Variants in SH2D1A observed in about 807,000 individuals in gnomAD.
SH2D1A encodes the protein SH2 domain-containing protein 1A.
A neutral mutation model predicts 10.1 loss-of-function variants in SH2D1A; 6 were observed. That is an observed-to-expected ratio of 0.60 (90% confidence interval 0.33 to 1.18). The LOEUF is 1.18. SH2D1A is among the 50% of genes most tolerant of loss of function. The probability of loss-of-function intolerance (pLI) is 0.04; values close to 1 mark genes in which losing one functional copy is unlikely to be tolerated. For synonymous variants in SH2D1A, 42 were observed against 36.9 expected (o/e 1.14, Z -0.51); for missense variants, 51 against 97.6 (o/e 0.52, Z 2.01).
intron 1 of SH2D1A, among the ~76,000 whole-genome samples, chrX:124,364,923 A>G: frequency 9.0e-6 from 1 of 110,700 alleles, no homozygotes; most frequent in Non-Finnish European, 1.9e-5. Flanking sequence ...AGTACTCTCA[A>G]CAGGTATAGC....
chrX:124,354,577 C>T (rs2060022188), intron 1 of SH2D1A, among the ~76,000 whole-genome samples: 1 of 111,639 alleles, frequency 9.0e-6, no homozygotes, highest in Non-Finnish European at 1.9e-5. Context: ...AGCTATTTTC[C>T]CTTGGGCAGG....
At chrX:124,356,195 T>C (rs1287443159) in intron 1 of SH2D1A, among the ~76,000 whole-genome samples, 1 of 109,909 alleles carries the variant, frequency 9.1e-6, no homozygotes, top group Non-Finnish European at 1.9e-5. Flanking sequence ...AGAATGATCG[T>C]TTCCAGCTTC....
intron 1 of SH2D1A, among the ~76,000 whole-genome samples, chrX:124,354,733 T>C (rs764105428): frequency 8.9e-6 from 1 of 112,288 alleles, no homozygotes; most frequent in Non-Finnish European, 1.9e-5. Context: ...TTTTTTAATA[T>C]GAATAAAAGC....
Position 124,372,641 on chromosome X carries a change from G to A in SH2D1A, c.*1250G>A, listed in dbSNP as rs1387302410. ...TTTAGAGGCAGATAGATAGGTCAGT[G>A]CAAATACTCTGGTCCATGGGCCATA... On this transcript the variant is annotated 3_prime_UTR_variant, in exon 4 of 4. Transcript: ENST00000371139. 5.9e-6 allele frequency: 1 copy of A among 168,893 alleles called. No individual in the cohort carries two copies. The highest frequency in any genetic ancestry group is 8.5e-5 in the East Asian group (1 of 11,785). The allele number at this position is 168,893 out of a possible 1,213,427, so 13.9% of individuals were successfully genotyped here.
intron 2 of SH2D1A, among the ~76,000 whole-genome samples, chrX:124,367,080 T>A (rs2060057486): frequency 9.0e-6 from 1 of 111,436 alleles, no homozygotes; most frequent in African/African-American, 3.3e-5. Flanking sequence ...TCATATGAGA[T>A]TGTTACATGC....
chrX:124,358,659 G>C (rs910962739), intron 1 of SH2D1A, among the ~76,000 whole-genome samples: 4 of 112,291 alleles, frequency 3.6e-5, no homozygotes, highest in African/African-American at 1.3e-4. Flanking sequence ...GAATGACTAC[G>C]GAGGAGGTGG....
chrX:124,364,747 C>T lies in SH2D1A; in HGVS notation c.138-1014C>T, dbSNP rs183459860. ...CAGGATGGTCTCGATCTCCTGACCT[C>T]GTGATCTGGGAAATATAAATATTTT... On this transcript the variant is annotated intron_variant, in intron 1 of 3. Coordinates refer to ENST00000371139, the MANE Select transcript of SH2D1A (RefSeq NM_002351.5). Among the ~76,000 whole-genome samples the T allele has an allele frequency of 7.2e-5, 8 of 110,838 alleles. No individual in the cohort carries two copies. In the East Asian group the frequency reaches 2.0e-3, roughly 27 times the overall value.
chrX:124,363,916 AG>A (rs2060047180), intron 1 of SH2D1A, among the ~76,000 whole-genome samples: 5 of 85,022 alleles, frequency 5.9e-5, no homozygotes, highest in East Asian at 3.4e-4. Flanking sequence ...AAAAAAAAAA[AG>A]AAAGAAAAAG....
At chrX:124,350,202 A>G (rs1260192219) in intron 1 of SH2D1A, among the ~76,000 whole-genome samples, 1 of 59,167 alleles carries the variant, frequency 1.7e-5, no homozygotes, top group Non-Finnish European at 2.9e-5. Flanking sequence ...TAAATATATA[A>G]TATAAAATAT....
rs73212990 is a variant in SH2D1A, at chrX:124,370,448, A to G, written c.346+128A>G. On this transcript the variant is annotated intron_variant, in intron 3 of 3. Coordinates refer to ENST00000371139, the MANE Select transcript of SH2D1A (RefSeq NM_002351.5). ...AGTGAGAAAGTAGATGTAGCCAGCA[A>G]GTCAAATGAGAGGTGACAATTTATG... is the stretch of plus-strand genomic sequence containing the variant. 15,352 of 551,714 alleles carry G rather than the reference A, an allele frequency of 0.028. 195 individuals are homozygous for G. Among genetic ancestry groups the G allele is most frequent in the Non-Finnish European group, 0.038 (11,979 of 314,614 alleles). The allele number at this position is 551,714 out of a possible 1,213,427, so 45.5% of individuals were successfully genotyped here. A position where few individuals can be genotyped will look rare whatever the true frequency, so the allele number is the denominator to read the frequency against.
At chrX:124,351,537 G>A (rs185071531) in intron 1 of SH2D1A, among the ~76,000 whole-genome samples, 246 of 110,622 alleles carry the variant, frequency 2.2e-3, no homozygotes, top group African/African-American at 7.6e-3. Context: ...CACCTGTAAT[G>A]CATCAGTGTC....
chrX:124,371,533 C>T lies in SH2D1A; in HGVS notation c.*142C>T, dbSNP rs192413867. Reference sequence around the variant, plus strand: ...CCTGTAATGGAAGCATCTAGCATGTCGTCAAAGCTGAAATGGACTTTTGTA... The same window carrying T: ...CCTGTAATGGAAGCATCTAGCATGTTGTCAAAGCTGAAATGGACTTTTGTA... On this transcript the variant is annotated 3_prime_UTR_variant, in exon 4 of 4. Transcript: ENST00000371139. The T allele has an allele frequency of 3.5e-4, 129 of 363,557 alleles. No homozygotes were observed. The East Asian group carries it at 4.4e-3, about 13-fold the overall frequency. The allele number at this position is 363,557 out of a possible 1,213,427, so 30.0% of individuals were successfully genotyped here.
At chrX:124,360,774 T>C (rs766670614) in intron 1 of SH2D1A, among the ~76,000 whole-genome samples, 7 of 110,968 alleles carry the variant, frequency 6.3e-5, no homozygotes, top group Non-Finnish European at 1.1e-4. Context: ...CAATTCATTA[T>C]AAAGTTTACC....
chrX:124,372,236 T>C lies in SH2D1A; in HGVS notation c.*845T>C, dbSNP rs2060071196. 1 of 164,811 alleles carries C rather than the reference T, an allele frequency of 6.1e-6. No homozygotes were observed. Among genetic ancestry groups the C allele is most frequent in the Non-Finnish European group, 1.2e-5 (1 of 85,937 alleles). 13.6% of individuals were successfully genotyped at this position (164,811 alleles called of 1,213,427 possible). On this transcript the variant is annotated 3_prime_UTR_variant, in exon 4 of 4. Transcript: ENST00000371139. ...AACCCTACAAAACCACTGGAAAGTTTATGGTTGTATTATTTTTTAAAAAAA... is the reference window on the plus strand; with the variant it reads ...AACCCTACAAAACCACTGGAAAGTTCATGGTTGTATTATTTTTTAAAAAAA...
intron 1 of SH2D1A, among the ~76,000 whole-genome samples, chrX:124,351,780 T>A (rs769500016): frequency 1.1e-4 from 12 of 111,152 alleles, no homozygotes; most frequent in East Asian, 2.8e-4. Flanking sequence ...ATACTTTTTT[T>A]AAACACACTC....
At chrX:124,354,502 G>T (rs1317358825) in intron 1 of SH2D1A, among the ~76,000 whole-genome samples, 1 of 111,271 alleles carries the variant, frequency 9.0e-6, no homozygotes. Flanking sequence ...GCACAGAATG[G>T]TGGTTAAGAG....
chrX:124,361,018 A>T (rs2060039101), intron 1 of SH2D1A, among the ~76,000 whole-genome samples: 1 of 111,453 alleles, frequency 9.0e-6, no homozygotes, highest in Non-Finnish European at 1.9e-5. Context: ...ATTACAACAT[A>T]AACCTAATAG....
chrX:124,367,102 T>C (rs2060057601), intron 2 of SH2D1A, among the ~76,000 whole-genome samples: 1 of 111,856 alleles, frequency 8.9e-6, no homozygotes, highest in Non-Finnish European at 1.9e-5. Flanking sequence ...TGTGATCATG[T>C]TAAAGAAGAG....
chrX:124,350,241 TTATATAA>T (rs66659203), intron 1 of SH2D1A, among the ~76,000 whole-genome samples: 13,394 of 33,037 alleles, frequency 0.41, 4,110 homozygotes, highest in African/African-American at 0.54. Context: ...TTATATAATA[TTATATAA>T]TATATAATAT....
Sources: allele counts gnomAD v4.1 joint callset (sites outside exome capture counted in the v4.1 genomes callset), GRCh38; gene constraint gnomAD v4.1.1; transcripts MANE v1.5; gene names NCBI Gene and HGNC (gene_info 2026-07-23, HGNC 2026-07-21).